The following PASD1 variants were observed in gnomAD, a reference collection of about 807,000 sequenced individuals.
The protein encoded by PASD1 is circadian clock protein PASD1.
Under a neutral mutation model 58.8 loss-of-function variants are expected in PASD1, and 13 were observed. The observed-to-expected ratio is 0.22, with a 90% CI of 0.14 to 0.35. The LOEUF (loss-of-function observed/expected upper bound fraction) is 0.35, where lower values mean the gene tolerates loss of function less well. Among genes scored for constraint, PASD1 ranks in the 10% least tolerant of loss-of-function variants. The pLI is 1.00. For missense variants in PASD1, 734 were observed against 568.3 expected, an observed-to-expected ratio of 1.29 and a Z score of -2.96; for synonymous variants, 236 against 216.7, an observed-to-expected ratio of 1.09 and a Z score of -0.78.
chrX:151,568,334 T>C (rs1300592350), intron 1 of PASD1, among the ~76,000 whole-genome samples: 1 of 111,607 alleles, frequency 9.0e-6, no homozygotes, highest in African/African-American at 3.3e-5. Context: ...GTTAAGCACA[T>C]TGTTTAGGTA....
rs145117981 is a variant in PASD1, at chrX:151,669,843, T to A, written c.1072-1195T>A. 1.9e-3 allele frequency among the ~76,000 whole-genome samples: 210 copies of A among 112,241 alleles called. 1 individual carries two copies. The highest frequency in any genetic ancestry group is 6.5e-3 in the African/African-American group (202 of 30,919). On this transcript the variant is annotated intron_variant, in intron 11 of 15. Transcript: ENST00000370357. The stretch of plus-strand genomic sequence containing the variant: ...AAATTTTGGCTATTGTGAATAGTAC[T>A]GCAACGAACATGGGAGTGCAGATAC...
At chrX:151,657,729 G>A (rs770411545) in intron 9 of PASD1, among the ~76,000 whole-genome samples, 3 of 110,611 alleles carry the variant, frequency 2.7e-5, no homozygotes, top group African/African-American at 9.9e-5. Flanking sequence ...TTTTTATTGC[G>A]TCTGTTAGAT....
chrX:151,578,361 A>T (rs1237774397), intron 1 of PASD1: 1 of 112,284 alleles, frequency 8.9e-6, no homozygotes, highest in Non-Finnish European at 1.9e-5. Flanking sequence ...ACCATTTTAT[A>T]TATATGATCA....
At chrX:151,629,703 A>G (rs2013841832) in intron 8 of PASD1, among the ~76,000 whole-genome samples, 1 of 112,259 alleles carries the variant, frequency 8.9e-6, no homozygotes, top group South Asian at 3.7e-4. Flanking sequence ...TATAAGGAGA[A>G]TGACTGAGAC....
rs898882085 is a variant in PASD1 at position 151,626,592 on chromosome X, C to T, written c.629+1062C>T. On this transcript the variant is annotated intron_variant, in intron 8 of 15. Coordinates refer to ENST00000370357, the MANE Select transcript of PASD1 (RefSeq NM_173493.3). ...TAGTATTGGGAGGGGATTACATTTT[C>T]CTTCTACGTTGCAGTGTACATGTAC... is the stretch of plus-strand genomic sequence containing the variant. Among the ~76,000 whole-genome samples, 3 of 111,488 alleles carry T rather than the reference C, an allele frequency of 2.7e-5. No individual in the cohort carries two copies. The East Asian group carries it at 8.4e-4, about 31-fold the overall frequency.
At chrX:151,645,235 A>T (rs747095779) in intron 8 of PASD1, among the ~76,000 whole-genome samples, 1 of 111,709 alleles carries the variant, frequency 9.0e-6, no homozygotes, top group African/African-American at 3.3e-5. Flanking sequence ...ATCACTTCAG[A>T]TTATATCATC....
At position 151,674,771 on chromosome X, in the gene PASD1, T is replaced by C. The variant is rs2014523247; in HGVS notation, c.2175+585T>C. The stretch of plus-strand genomic sequence containing the variant: ...CCCCACACACAATTTCACTAATGAA[T>C]GGAACTTACAAAAGGTGTTTTCACT... On this transcript the variant is annotated intron_variant, in intron 15 of 15. Transcript: ENST00000370357. Among the ~76,000 whole-genome samples, 3 of 112,056 alleles carry C rather than the reference T, an allele frequency of 2.7e-5. No homozygotes were observed. The Admixed American group carries it at 2.8e-4, about 11-fold the overall frequency.
In PASD1 at chrX:151,674,168, C is replaced by T. The variant is rs768329622; in HGVS notation, c.2157C>T (p.Gly719=). Reference sequence around the variant, plus strand: ...GCGATGAGCAGGGCACCCTGCACGGCCAACCCACCTACCATCAGGTATGGG... The same window carrying T: ...GCGATGAGCAGGGCACCCTGCACGGTCAACCCACCTACCATCAGGTATGGG... ...WSCDEQGTLH[G]QPTYHQVQVS... The change falls in exon 15 of 16, where the codon GGC becomes GGT. Residue 719 remains glycine, a synonymous_variant. Transcript: ENST00000370357. 2 of 1,211,911 alleles carry T rather than the reference C, an allele frequency of 1.7e-6. No individual in the cohort carries two copies. Among genetic ancestry groups the T allele is most frequent in the East Asian group, 3.0e-5 (1 of 33,840 alleles).
intron 1 of PASD1, among the ~76,000 whole-genome samples, chrX:151,575,509 C>T (rs1602902290): frequency 9.0e-6 from 1 of 111,457 alleles, no homozygotes; most frequent in South Asian, 3.8e-4. Context: ...GGTAAGAAAA[C>T]GATTTTTGTC....
At chrX:151,572,102 TTTGA>T (rs1359632802) in intron 1 of PASD1, among the ~76,000 whole-genome samples, 2 of 111,779 alleles carry the variant, frequency 1.8e-5, no homozygotes, top group African/African-American at 6.5e-5. Context: ...ACCTGACGAC[TTTGA>T]TTTTCTCATT....
intron 3 of PASD1, among the ~76,000 whole-genome samples, chrX:151,610,855 G>A (rs1247474323): frequency 9.0e-6 from 1 of 111,523 alleles, no homozygotes; most frequent in Non-Finnish European, 1.9e-5. Context: ...CTCTTCCCAG[G>A]ATGGAGGCTG....
chrX:151,656,934 C>T (rs992302637), intron 9 of PASD1, among the ~76,000 whole-genome samples: 13 of 111,654 alleles, frequency 1.2e-4, no homozygotes, highest in African/African-American at 6.5e-5. Context: ...CTGTCTTGTG[C>T]GAATTTTCAA....
chrX:151,571,762 C>T (rs761282890), intron 1 of PASD1, among the ~76,000 whole-genome samples: 1 of 112,027 alleles, frequency 8.9e-6, no homozygotes, highest in Non-Finnish European at 1.9e-5. Context: ...AAACACTCTC[C>T]CCTTTTGACC....
At chrX:151,650,333 A>G (rs188880663) in intron 9 of PASD1, among the ~76,000 whole-genome samples, 41 of 111,251 alleles carry the variant, frequency 3.7e-4, no homozygotes, top group African/African-American at 1.3e-3. Flanking sequence ...CTCATTTTAT[A>G]AAATATATAA....
At position 151,612,561 on chromosome X, in the gene PASD1, T is replaced by C. The variant is rs749340403; in HGVS notation, c.207+808T>C. Among the ~76,000 whole-genome samples the C allele has an allele frequency of 4.1e-3, 460 of 111,584 alleles. 2 individuals carry two copies. Among genetic ancestry groups the C allele is most frequent in the Non-Finnish European group, 6.7e-3 (356 of 53,089 alleles). ...GTGGTTTTGATTTGCATTTCTCTGA[T>C]GGCCAGTGATGCTGAGCATTTTTTC... is the stretch of plus-strand genomic sequence containing the variant. On this transcript the variant is annotated intron_variant, in intron 4 of 15. Coordinates refer to ENST00000370357, the MANE Select transcript of PASD1 (RefSeq NM_173493.3).
rs1338080584 is a variant in PASD1 at position 151,628,230 on chromosome X, T to C, written c.629+2700T>C. Among the ~76,000 whole-genome samples, 6 of 111,783 alleles carry C rather than the reference T, an allele frequency of 5.4e-5. No homozygotes were observed. The East Asian group carries it at 1.1e-3, about 21-fold the overall frequency. ...TTTAATTAGATCCCATTTGTCAATT[T>C]TGGCTTTTGTTGCCATTGCTTTTGG... On this transcript the variant is annotated intron_variant, in intron 8 of 15. Transcript: ENST00000370357.
chrX:151,621,436 A>G (rs1185766433), intron 5 of PASD1, 46 bp from the exon 6 acceptor site: 2 of 955,928 alleles, frequency 2.1e-6, no homozygotes, highest in Non-Finnish European at 2.9e-6. Flanking sequence ...AGAATATGGT[A>G]AAGTACAAAT....
intron 1 of PASD1, among the ~76,000 whole-genome samples, chrX:151,568,487 C>T (rs114360957): frequency 1.7e-3 from 188 of 111,822 alleles, no homozygotes; most frequent in African/African-American, 5.8e-3. Context: ...TCAAGGCACA[C>T]GATATTATTC....
intron 4 of PASD1, among the ~76,000 whole-genome samples, chrX:151,620,530 G>A (rs2013692062): frequency 9.1e-6 from 1 of 110,379 alleles, no homozygotes; most frequent in Admixed American, 9.7e-5. Context: ...AAAGAGTAGG[G>A]GAGCAAATTG....
Sources: gnomAD v4.1 joint callset for allele counts (sites outside exome capture counted in the v4.1 genomes callset) on GRCh38, gnomAD v4.1.1 for gene constraint, MANE v1.5 for transcripts, NCBI Gene and HGNC (gene_info 2026-07-23, HGNC 2026-07-21) for gene names.